ZNF506: variants seen among roughly 807,000 people sequenced by gnomAD.
ZNF506 encodes the protein zinc finger protein 506.
Under a neutral mutation model 11.6 loss-of-function variants are expected in ZNF506, and 10 were observed. That is an observed-to-expected ratio of 0.86 (90% confidence interval 0.53 to 1.46). ZNF506 has a LOEUF of 1.46. ZNF506 is among the 40% of genes most tolerant of loss of function. The pLI is 0.00. For missense variants in ZNF506, 425 were observed against 521.2 expected, an observed-to-expected ratio of 0.82 and a Z score of 1.80; for synonymous variants, 156 against 173.3, an observed-to-expected ratio of 0.90 and a Z score of 0.78.
At chr19:19,797,018 G>C (rs574312103) in intron 3 of ZNF506, 15 of 152,156 alleles carry the variant, frequency 9.9e-5, no homozygotes, top group South Asian at 4.2e-4. Flanking sequence ...AATCATAACA[G>C]GTAGCTTTTT....
intron 1 of ZNF506, among the ~76,000 whole-genome samples, chr19:19,818,362 G>A (rs757204757): frequency 6.0e-4 from 92 of 152,230 alleles, no homozygotes; most frequent in Non-Finnish European, 1.1e-3. Context: ...GCAAAAAGAG[G>A]AACTGATGTT....
intron 3 of ZNF506, among the ~76,000 whole-genome samples, chr19:19,805,650 T>C (rs948376850): frequency 1.3e-4 from 20 of 151,130 alleles, no homozygotes; most frequent in African/African-American, 4.9e-4. Flanking sequence ...ATTTAAGACC[T>C]GATGCAAAAA....
At chr19:19,813,876 TGA>T (rs2062904906) in intron 1 of ZNF506, among the ~76,000 whole-genome samples, 1 of 152,066 alleles carries the variant, frequency 6.6e-6, no homozygotes, top group African/African-American at 2.4e-5. Context: ...CTTGGGAGGA[TGA>T]GATAGGAGAG....
chr19:19,806,089 C>G lies in ZNF506; in HGVS notation c.168G>C (p.Leu56=). 1 of 1,607,278 alleles carries G rather than the reference C, an allele frequency of 6.2e-7. No individual in the cohort carries two copies. The highest frequency in any genetic ancestry group is 8.5e-7 in the Non-Finnish European group (1 of 1,178,132). Residue 56 remains leucine, a synonymous_variant, in exon 3 of 4, where the codon CTG becomes CTC. Coordinates refer to ENST00000540806, the MANE Select transcript of ZNF506 (RefSeq NM_001099269.3). ...TAGTTAAAGGTTTTTTTCCTTGCTC[C>G]AGACAGGTGATCAGGTTTGGTTTAG... ...VVSKPNLITC[L]EQGKKPLTMK... is the part of the protein sequence containing the mutation.
rs1319269950 is a variant in ZNF506 at position 19,821,726 on chromosome 19, A to G, written c.-123T>C. The G allele has an allele frequency of 1.5e-5, 19 of 1,300,022 alleles. No individual in the cohort carries two copies. The East Asian group carries it at 4.2e-4, about 29-fold the overall frequency. The allele number at this position is 1,300,022 out of a possible 1,614,324, so 80.5% of individuals were successfully genotyped here. The stretch of plus-strand genomic sequence containing the variant: ...ACAGAGCAGTGAAGACGATAGCTGG[A>G]TCTCTGGCGTCAGCGAGAGACAATG... On this transcript the variant is annotated 5_prime_UTR_variant, in exon 1 of 4. Transcript: ENST00000540806.
At chr19:19,816,681 G>C (rs1599528961) in intron 1 of ZNF506, among the ~76,000 whole-genome samples, 1 of 152,016 alleles carries the variant, frequency 6.6e-6, no homozygotes, top group East Asian at 1.9e-4. Flanking sequence ...ATAGAGACAG[G>C]GTTTCTCCAT....
At chr19:19,816,810 C>CTTTTTTT (rs34297481) in intron 1 of ZNF506, among the ~76,000 whole-genome samples, 2 of 80,260 alleles carry the variant, frequency 2.5e-5, no homozygotes, top group Non-Finnish European at 2.3e-5. Context: ...AAAATATTTC[C>CTTTTTTT]TTTTTTTTTT....
At chr19:19,811,665 G>A (rs1471437636) in intron 1 of ZNF506, among the ~76,000 whole-genome samples, 6 of 152,042 alleles carry the variant, frequency 3.9e-5, no homozygotes, top group African/African-American at 1.4e-4. Context: ...AGCCGGATGC[G>A]ATGGCAGGCA....
At chr19:19,807,257 C>T (rs2062842800) in intron 1 of ZNF506, among the ~76,000 whole-genome samples, 189 bp from the exon 2 acceptor site, 3 of 152,144 alleles carry the variant, frequency 2.0e-5, no homozygotes, top group African/African-American at 7.2e-5. Context: ...AAGAGCAGCA[C>T]AAGATCCACA....
At chr19:19,818,539 A>C (rs1358297537) in intron 1 of ZNF506, among the ~76,000 whole-genome samples, 1 of 152,238 alleles carries the variant, frequency 6.6e-6, no homozygotes, top group African/African-American at 2.4e-5. Context: ...AGCCATAAAA[A>C]ACACATCTGA....
chr19:19,814,068 G>A (rs2062907278), intron 1 of ZNF506, among the ~76,000 whole-genome samples: 1 of 152,030 alleles, frequency 6.6e-6, no homozygotes, highest in South Asian at 2.1e-4. Context: ...AAAAGATCAT[G>A]TCCTTTGCAA....
chr19:19,805,194 T>C lies in ZNF506; in HGVS notation c.226+837A>G, dbSNP rs1480700691. On this transcript the variant is annotated intron_variant, in intron 3 of 3. Coordinates refer to ENST00000540806, the MANE Select transcript of ZNF506 (RefSeq NM_001099269.3). Reference sequence around the variant, plus strand: ...AAGTATATCTATGGTTTCATACAGTTTAACTATCTGATAAAATAAAGAAAA... The same window carrying C: ...AAGTATATCTATGGTTTCATACAGTCTAACTATCTGATAAAATAAAGAAAA... 2.6e-5 allele frequency among the ~76,000 whole-genome samples: 4 copies of C among 152,228 alleles called. No homozygotes were observed. In the East Asian group the frequency reaches 7.7e-4, roughly 29 times the overall value.
At chr19:19,799,627 G>C (rs912733568) in intron 3 of ZNF506, among the ~76,000 whole-genome samples, 13 of 151,998 alleles carry the variant, frequency 8.6e-5, no homozygotes, top group African/African-American at 1.2e-4. Flanking sequence ...AAATAAACTT[G>C]GCTGGGTGCG....
chr19:19,815,053 C>G (rs150352990), intron 1 of ZNF506, among the ~76,000 whole-genome samples: 1 of 152,134 alleles, frequency 6.6e-6, no homozygotes, highest in African/African-American at 2.4e-5. Context: ...GTCAGGAGAT[C>G]GAGACCATCC....
chr19:19,800,564 G>A (rs2062783818), intron 3 of ZNF506, among the ~76,000 whole-genome samples: 1 of 151,216 alleles, frequency 6.6e-6, no homozygotes, highest in Non-Finnish European at 1.5e-5. Context: ...CTACAGGCAT[G>A]CGCCACCATA....
chr19:19,821,462 CA>C, intron 1 of ZNF506, 138 bp downstream of exon 1: 2 of 1,136,064 alleles, frequency 1.8e-6, no homozygotes, highest in Non-Finnish European at 2.7e-6. Context: ...CGGAGCTGGG[CA>C]ATGAGAACTT....
In ZNF506 at chr19:19,795,516, G is replaced by A. The variant is rs774359319; in HGVS notation, c.371C>T (p.Pro124Leu). 6.3e-7 allele frequency: 1 copy of A among 1,599,284 alleles called. No individual in the cohort carries two copies. Among genetic ancestry groups the A allele is most frequent in the South Asian group, 1.1e-5 (1 of 87,974 alleles). The stretch of plus-strand genomic sequence containing the variant: ...TCCATTATAACCTCTTTTGTGCACT[G>A]GACACTCATCTACACTTTCACAGCC... ...KKGCESVDEC[P>L]VHKRGYNGLK... The change falls in exon 4 of 4, where the codon CCA (proline) becomes CTA (leucine). Residue 124 changes from proline (P) to leucine (L), a missense_variant. Pro to Leu is a moderately conservative substitution (Grantham distance 98, BLOSUM62 -3). This residue lies in a region of ZNF506 where 226 missense variants were observed against 279.1 expected (regional missense o/e 0.81). Transcript: ENST00000540806.
Position 19,794,717 on chromosome 19 carries a change from A to C in ZNF506, c.1170T>G (p.Ile390Met). 3 of 1,613,870 alleles carry C rather than the reference A, an allele frequency of 1.9e-6. No individual in the cohort carries two copies. Among genetic ancestry groups the C allele is most frequent in the Non-Finnish European group, 2.5e-6 (3 of 1,179,988 alleles). The change falls in exon 4 of 4, where the codon ATT becomes ATG. Residue 390 changes from isoleucine (I) to methionine (M), a missense_variant. Transcript: ENST00000540806. The part of the protein sequence containing the change: ...AFSTLTEHKI[I>M]HTGEKPYKCE... The stretch of plus-strand genomic sequence containing the variant: ...ATTTGTACGGTTTCTCTCCAGTATG[A>C]ATTATCTTATGTTCAGTTAGAGTTG...
intron 1 of ZNF506, among the ~76,000 whole-genome samples, chr19:19,813,665 G>C (rs1320374320): frequency 6.6e-6 from 1 of 152,208 alleles, no homozygotes; most frequent in Non-Finnish European, 1.5e-5. Context: ...ATCAATGGTA[G>C]ACTGGATAAA....
Sources: allele counts gnomAD v4.1 joint callset (sites outside exome capture counted in the v4.1 genomes callset), GRCh38; gene constraint gnomAD v4.1.1; regional missense constraint gnomAD v4.1.1; transcripts MANE v1.5; gene names NCBI Gene and HGNC (gene_info 2026-07-23, HGNC 2026-07-21).